Variants in MRC1 observed in about 807,000 individuals in gnomAD.
MRC1 encodes the protein macrophage mannose receptor 1.
A neutral mutation model predicts 102.9 loss-of-function variants in MRC1; 62 were observed. The observed-to-expected ratio is 0.60, with a 90% CI of 0.49 to 0.74. The LOEUF (loss-of-function observed/expected upper bound fraction) is 0.74. Ranked by LOEUF, MRC1 falls within the 30% of genes least tolerant of loss-of-function variation. The pLI, the probability that MRC1 is intolerant of heterozygous loss-of-function variation, is 0.00. For synonymous variants in MRC1, 457 were observed against 298.4 expected, an observed-to-expected ratio of 1.53 and a Z score of -5.48; for missense variants, 1,237 against 862.8, an observed-to-expected ratio of 1.43 and a Z score of -5.43.
chr10:17,871,973 C>T lies in MRC1; in HGVS notation c.2200-9C>T. 1 of 780,126 alleles carries T rather than the reference C, an allele frequency of 1.3e-6. No individual in the cohort carries two copies. The highest frequency in any genetic ancestry group is 1.7e-5 in the Admixed American group (1 of 58,962). 48.3% of individuals were successfully genotyped at this position (780,126 alleles called of 1,614,324 possible). On this transcript the variant is annotated splice_polypyrimidine_tract_variant and intron_variant, in intron 14 of 29. Coordinates refer to ENST00000569591, the MANE Select transcript of MRC1 (RefSeq NM_002438.4). Reference sequence around the variant, plus strand: ...GGTTAATGGTTGTAGTTTAATGTTTCTAATATAGGTTTCATATGAAAACTG... The same window carrying T: ...GGTTAATGGTTGTAGTTTAATGTTTTTAATATAGGTTTCATATGAAAACTG...
Position 17,809,366 on chromosome 10 carries a change from A to T in MRC1, c.-100A>T, listed in dbSNP as rs1838187801. 1 of 819,782 alleles carries T rather than the reference A, an allele frequency of 1.2e-6. No homozygotes were observed. The allele number at this position is 819,782 out of a possible 1,614,324, so 50.8% of individuals were successfully genotyped here. On this transcript the variant is annotated 5_prime_UTR_variant, in exon 1 of 30. Coordinates refer to ENST00000569591, the MANE Select transcript of MRC1 (RefSeq NM_002438.4). ...TTCTTTTCAGCTGGGCAGCTCTGGG[A>T]ACTTGGATTAGGTGGAGAGGCAGTT...
chr10:17,872,506 T>C lies in MRC1; in HGVS notation c.2344+380T>C, dbSNP rs1245710835. Among the ~76,000 whole-genome samples, 3 of 152,218 alleles carry C rather than the reference T, an allele frequency of 2.0e-5. No homozygotes were observed. In the East Asian group the frequency reaches 5.8e-4, roughly 29 times the overall value. ...CTGACCTACGTTAATCATCAAATAG[T>C]TGAACATTTCCCCAAGTCTGAATAT... On this transcript the variant is annotated intron_variant, in intron 15 of 29. Transcript: ENST00000569591.
chr10:17,818,089 G>C (rs1022037089), intron 1 of MRC1, among the ~76,000 whole-genome samples: 1 of 152,188 alleles, frequency 6.6e-6, no homozygotes, highest in African/African-American at 2.4e-5. Context: ...GAATAGATAA[G>C]TGTGTATTGA....
At chr10:17,877,011 T>G (rs1016448135) in intron 17 of MRC1, among the ~76,000 whole-genome samples, 3,189 of 151,680 alleles carry the variant, frequency 0.021, 104 homozygotes, top group African/African-American at 0.072. Context: ...CTTAACATCA[T>G]TTTGTGGATA....
intron 2 of MRC1, among the ~76,000 whole-genome samples, chr10:17,824,019 T>C (rs1418067904): frequency 1.3e-5 from 2 of 152,188 alleles, no homozygotes; most frequent in Admixed American, 1.3e-4. Flanking sequence ...CAGAAGATTA[T>C]AAAATCTCTA....
chr10:17,849,858 T>C (rs1423637290), intron 7 of MRC1, 94 bp downstream of exon 7: 1 of 649,020 alleles, frequency 1.5e-6, no homozygotes, highest in African/African-American at 1.8e-5. Context: ...AACATCAAAT[T>C]TAATCAATGT....
chr10:17,821,511 T>C (rs1554838277), intron 1 of MRC1, among the ~76,000 whole-genome samples: 1 of 151,896 alleles, frequency 6.6e-6, no homozygotes, highest in East Asian at 1.9e-4. Flanking sequence ...AGGTTTTGTT[T>C]TTTGTTTGTT....
At chr10:17,869,403 G>T (rs1039353499) in intron 12 of MRC1, among the ~76,000 whole-genome samples, 1 of 152,118 alleles carries the variant, frequency 6.6e-6, no homozygotes, top group African/African-American at 2.4e-5. Context: ...GCTGCTTAAT[G>T]ACAACTTGGG....
chr10:17,856,939 C>T (rs1481033649), intron 9 of MRC1, among the ~76,000 whole-genome samples: 1 of 152,106 alleles, frequency 6.6e-6, no homozygotes, highest in Non-Finnish European at 1.5e-5. Flanking sequence ...TTTTAAAGCA[C>T]ACAGAAGCTA....
At chr10:17,813,823 A>G (rs1838265106) in intron 1 of MRC1, among the ~76,000 whole-genome samples, 1 of 151,156 alleles carries the variant, frequency 6.6e-6, no homozygotes, top group Non-Finnish European at 1.5e-5. Context: ...TCAGCCTCCT[A>G]AGTAGCTGGC....
rs1477924012 is a variant in MRC1 at position 17,809,378 on chromosome 10, G to A, written c.-88G>A. ...GGGCAGCTCTGGGAACTTGGATTAG[G>A]TGGAGAGGCAGTTGGGGGGCCTCGT... On this transcript the variant is annotated 5_prime_UTR_variant, in exon 1 of 30. In the 5' UTR this introduces an upstream ATG that the reference lacks. Transcript: ENST00000569591. 2.4e-6 allele frequency: 2 copies of A among 838,862 alleles called. No homozygotes were observed. Among genetic ancestry groups the A allele is most frequent in the African/African-American group, 1.7e-5 (1 of 60,522 alleles). 52.0% of individuals were successfully genotyped at this position (838,862 alleles called of 1,614,324 possible).
intron 7 of MRC1, among the ~76,000 whole-genome samples, chr10:17,852,255 T>C (rs1838928128): frequency 6.6e-6 from 1 of 152,230 alleles, no homozygotes; most frequent in African/African-American, 2.4e-5. Context: ...ATATTGGTTG[T>C]TTTCGTTTTA....
chr10:17,837,626 TTTA>T (rs1428483248), intron 4 of MRC1, among the ~76,000 whole-genome samples: 1 of 151,716 alleles, frequency 6.6e-6, no homozygotes, highest in African/African-American at 2.4e-5. Context: ...TTTTATTTTA[TTTA>T]TTATTATTAT....
chr10:17,815,604 T>C (rs1445900862), intron 1 of MRC1, among the ~76,000 whole-genome samples: 3 of 151,772 alleles, frequency 2.0e-5, no homozygotes, highest in Admixed American at 1.3e-4. Flanking sequence ...GATATTCATA[T>C]CTTTAAGGTG....
intron 3 of MRC1, among the ~76,000 whole-genome samples, chr10:17,829,544 C>T (rs1453600647): frequency 2.0e-5 from 3 of 151,430 alleles, no homozygotes; most frequent in Non-Finnish European, 4.4e-5. Flanking sequence ...CATTTGATTT[C>T]CATTCAAGGT....
At position 17,866,564 on chromosome 10, in the gene MRC1, C is replaced by T. The variant is rs781972180; in HGVS notation, c.1786C>T (p.Arg596Ter). 3.8e-6 allele frequency: 3 copies of T among 780,776 alleles called. No homozygotes were observed. Among genetic ancestry groups the T allele is most frequent in the Non-Finnish European group, 7.2e-6 (3 of 417,960 alleles). 48.4% of individuals were successfully genotyped at this position (780,776 alleles called of 1,614,324 possible). The part of the protein sequence containing the change: ...FTHWNSDMPG[R>*]KPGCVAMRTG... ...TCTACTTCATATATTTAATGCAGGGCGAAAGCCAGGGTGTGTTGCCATGAG... is the reference window on the plus strand; with the variant it reads ...TCTACTTCATATATTTAATGCAGGGTGAAAGCCAGGGTGTGTTGCCATGAG... The change falls in exon 12 of 30, where the codon CGA becomes TGA. Residue 596 changes from arginine (R) to a stop codon, truncating the protein, a stop_gained and splice_region_variant. Transcript: ENST00000569591. LOFTEE classifies it high-confidence loss of function.
Position 17,866,737 on chromosome 10 carries a change from C to T in MRC1, c.1959C>T (p.Ser653=). 6.4e-6 allele frequency: 5 copies of T among 780,812 alleles called. No individual in the cohort carries two copies. Among genetic ancestry groups the T allele is most frequent in the Non-Finnish European group, 1.2e-5 (5 of 417,962 alleles). 48.4% of individuals were successfully genotyped at this position (780,812 alleles called of 1,614,324 possible). Residue 653 remains serine, a synonymous_variant, in exon 12 of 30, where the codon AGC becomes AGT. Coordinates refer to ENST00000569591, the MANE Select transcript of MRC1 (RefSeq NM_002438.4). ...EPKCPEDWGA[S]SRTSLCFKLY... ...AATGTCCGGAGGATTGGGGCGCCAG[C>T]AGTAGAACAAGCTTGTGTTTCAAGG...
At chr10:17,835,303 T>G (rs2130615918) in intron 4 of MRC1, among the ~76,000 whole-genome samples, 1 of 152,348 alleles carries the variant, frequency 6.6e-6, no homozygotes, top group African/African-American at 2.4e-5. Flanking sequence ...GACAACACTA[T>G]AAATACATTA....
At chr10:17,872,224 A>G in intron 15 of MRC1, 98 bp downstream of exon 15, 1 of 775,764 alleles carries the variant, frequency 1.3e-6, no homozygotes, top group South Asian at 1.4e-5. Flanking sequence ...CAAACAAAAT[A>G]ACAAAATCAG....
Sources: gnomAD v4.1 joint callset for allele counts (sites outside exome capture counted in the v4.1 genomes callset) on GRCh38, gnomAD v4.1.1 for gene constraint, MANE v1.5 for transcripts, NCBI Gene and HGNC (gene_info 2026-07-23, HGNC 2026-07-21) for gene names.